The following TMEM170B variants were observed in gnomAD, a reference collection of about 807,000 sequenced individuals.
The protein encoded by TMEM170B is transmembrane protein 170B.
In TMEM170B, 6 loss-of-function variants were observed where a neutral mutation model predicts 13.0. The observed-to-expected ratio is 0.46, with a 90% CI of 0.25 to 0.91. TMEM170B has a LOEUF of 0.91. Among genes scored for constraint, TMEM170B ranks in the 40% least tolerant of loss-of-function variants. The pLI, the probability that TMEM170B is intolerant of heterozygous loss-of-function variation, is 0.17. For missense variants in TMEM170B, 138 were observed against 165.2 expected, an observed-to-expected ratio of 0.84 and a Z score of 0.90; for synonymous variants, 61 against 64.9, an observed-to-expected ratio of 0.94 and a Z score of 0.29.
intron 1 of TMEM170B, among the ~76,000 whole-genome samples, chr6:11,559,624 G>A (rs1037835051): frequency 1.3e-5 from 2 of 152,126 alleles, no homozygotes; most frequent in Admixed American, 6.5e-5. Context: ...AATTATAAAT[G>A]TATCATCTCT....
Position 11,576,394 on chromosome 6 carries a change from A to G in TMEM170B, c.*833A>G, listed in dbSNP as rs1759874951. ...GAAGATTTTCTTAAAAATTTTTGTA[A>G]GAAAAAAGTCTGAAATGCATGTTGC... On this transcript the variant is annotated 3_prime_UTR_variant, in exon 3 of 3. Transcript: ENST00000379426. The G allele has an allele frequency of 6.6e-6, 1 of 152,230 alleles. No homozygotes were observed. Among genetic ancestry groups the G allele is most frequent in the African/African-American group, 2.4e-5 (1 of 41,450 alleles). 9.4% of individuals were successfully genotyped at this position (152,230 alleles called of 1,614,324 possible). A position where few individuals can be genotyped will look rare whatever the true frequency, so the allele number is the denominator to read the frequency against.
chr6:11,563,626 G>T (rs560344401), intron 1 of TMEM170B, among the ~76,000 whole-genome samples: 1 of 152,088 alleles, frequency 6.6e-6, no homozygotes. Flanking sequence ...CTCATAGAAC[G>T]CAAGGAAACA....
intron 1 of TMEM170B, among the ~76,000 whole-genome samples, chr6:11,552,168 G>A (rs972653947): frequency 6.6e-6 from 1 of 152,018 alleles, no homozygotes; most frequent in South Asian, 2.1e-4. Flanking sequence ...GGGAACACCC[G>A]ATTTTTTTAA....
At chr6:11,570,567 T>C (rs1006143482) in intron 2 of TMEM170B, among the ~76,000 whole-genome samples, 5 of 152,146 alleles carry the variant, frequency 3.3e-5, no homozygotes, top group Non-Finnish European at 5.9e-5. Flanking sequence ...ATAGAACATA[T>C]GAATAGGAAA....
intron 2 of TMEM170B, 59 bp downstream of exon 2, chr6:11,565,895 G>C: frequency 6.5e-7 from 1 of 1,529,066 alleles, no homozygotes; most frequent in South Asian, 1.1e-5. Context: ...CATTTTGGTA[G>C]CTGTGTTCTT....
intron 2 of TMEM170B, among the ~76,000 whole-genome samples, chr6:11,566,546 C>T (rs1759734975): frequency 6.6e-6 from 1 of 152,304 alleles, no homozygotes; most frequent in East Asian, 1.9e-4. Context: ...CTTACCTCCT[C>T]AGAAGAAATA....
intron 1 of TMEM170B, among the ~76,000 whole-genome samples, chr6:11,557,666 G>A (rs543099729): frequency 1.3e-5 from 2 of 152,220 alleles, no homozygotes; most frequent in South Asian, 2.1e-4. Context: ...GAACAGTATG[G>A]TAGATGGACT....
intron 1 of TMEM170B, among the ~76,000 whole-genome samples, chr6:11,545,127 C>T (rs1356960215): frequency 1.3e-5 from 2 of 151,770 alleles, no homozygotes; most frequent in Non-Finnish European, 2.9e-5. Flanking sequence ...ATAATTGGTC[C>T]CTGGGAAAAA....
chr6:11,545,323 T>C (rs1214506076), intron 1 of TMEM170B, among the ~76,000 whole-genome samples: 1 of 150,398 alleles, frequency 6.6e-6, no homozygotes, highest in African/African-American at 2.5e-5. Context: ...GTACTAGTAG[T>C]AAGTAGTAGT....
chr6:11,560,189 C>T (rs189711040), intron 1 of TMEM170B, among the ~76,000 whole-genome samples: 2,176 of 151,510 alleles, frequency 0.014, 44 homozygotes, highest in African/African-American at 0.05. Context: ...TTTTTTGAGA[C>T]AGTCTTGCTG....
At chr6:11,543,693 A>G (rs1332401785) in intron 1 of TMEM170B, among the ~76,000 whole-genome samples, 2 of 152,212 alleles carry the variant, frequency 1.3e-5, no homozygotes, top group African/African-American at 4.8e-5. Context: ...TAGAACCAGT[A>G]CTACTTGGAT....
intron 1 of TMEM170B, among the ~76,000 whole-genome samples, chr6:11,539,923 G>A (rs959894475): frequency 6.6e-6 from 1 of 152,176 alleles, no homozygotes; most frequent in Non-Finnish European, 1.5e-5. Context: ...TTGCAATAAA[G>A]TGAGCCAAAT....
At chr6:11,540,626 A>C (rs530104731) in intron 1 of TMEM170B, among the ~76,000 whole-genome samples, 12 of 152,312 alleles carry the variant, frequency 7.9e-5, no homozygotes, top group African/African-American at 2.9e-4. Flanking sequence ...AATGGAGTCA[A>C]TTGCTTTCCA....
chr6:11,572,979 C>G (rs2113782858), intron 2 of TMEM170B, among the ~76,000 whole-genome samples: 1 of 152,218 alleles, frequency 6.6e-6, no homozygotes, highest in African/African-American at 2.4e-5. Flanking sequence ...TAGTTTATCT[C>G]CAACTGATGG....
intron 2 of TMEM170B, among the ~76,000 whole-genome samples, chr6:11,571,173 T>C (rs2113781514): frequency 1.4e-5 from 1 of 73,906 alleles, no homozygotes; most frequent in African/African-American, 3.9e-5. Context: ...ATCATATGCT[T>C]GCTTTTTTTT....
intron 1 of TMEM170B, among the ~76,000 whole-genome samples, chr6:11,553,895 G>A (rs1251429457): frequency 6.6e-6 from 1 of 152,088 alleles, no homozygotes; most frequent in Non-Finnish European, 1.5e-5. Context: ...TAGGAAACTT[G>A]ATTCAGTATT....
intron 2 of TMEM170B, among the ~76,000 whole-genome samples, chr6:11,571,859 G>A (rs963005457): frequency 2.0e-5 from 3 of 151,876 alleles, no homozygotes; most frequent in East Asian, 1.9e-4. Context: ...AAGACAACCC[G>A]GTAGAAAAGT....
At chr6:11,553,043 T>C (rs144394529) in intron 1 of TMEM170B, among the ~76,000 whole-genome samples, 1 of 152,264 alleles carries the variant, frequency 6.6e-6, no homozygotes, top group African/African-American at 2.4e-5. Flanking sequence ...GTAACTTTGC[T>C]TCCTTAATCT....
intron 1 of TMEM170B, among the ~76,000 whole-genome samples, chr6:11,544,893 A>G (rs1312247749): frequency 2.6e-5 from 4 of 152,190 alleles, no homozygotes; most frequent in African/African-American, 9.7e-5. Context: ...ATGAGAGTCA[A>G]TATTGTATAT....
Sources: allele counts gnomAD v4.1 joint callset (sites outside exome capture counted in the v4.1 genomes callset), GRCh38; gene constraint gnomAD v4.1.1; transcripts MANE v1.5; gene names NCBI Gene and HGNC (gene_info 2026-07-23, HGNC 2026-07-21).